Variants in IQSEC1 observed in about 807,000 individuals in gnomAD.
IQSEC1 encodes the protein IQ motif and SEC7 domain-containing protein 1.
IQSEC1 carries 31 observed loss-of-function variants against 91.0 expected under a neutral mutation model. The observed-to-expected ratio is 0.34, with a 90% confidence interval of 0.26 to 0.46. The LOEUF is 0.46. Ranked by LOEUF, IQSEC1 falls within the 20% of genes least tolerant of loss-of-function variation. The pLI, the probability that IQSEC1 is intolerant of heterozygous loss-of-function variation, is 1.00. For synonymous variants in IQSEC1, 699 were observed against 662.6 expected (o/e 1.05, Z -0.84); for missense variants, 1,388 against 1,575.6 (o/e 0.88, Z 2.02).
rs149933955 is a variant in IQSEC1, at chr3:13,120,787, C to T, written c.302+43317G>A. On this transcript the variant is annotated intron_variant, in intron 2 of 15. Coordinates refer to the IQSEC1 transcript ENST00000648114. ...AGAGGCACAGCCTAGGCATCCTTCA[C>T]CATGACAGAGAGGGGCAGGGGACAG... is the stretch of plus-strand genomic sequence containing the variant. Among the ~76,000 whole-genome samples the T allele has an allele frequency of 8.5e-3, 1,291 of 152,290 alleles. 6 individuals carry two copies. The highest frequency in any genetic ancestry group is 0.014 in the Non-Finnish European group (966 of 68,022).
chr3:13,036,464 T>A lies in IQSEC1; in HGVS notation c.23+36528A>T, dbSNP rs112573142. ...AATAATAAACAAAAATAATTTTTTT[T>A]AAAAAGAAAATTATGAAAGGAGCCA... On this transcript the variant is annotated intron_variant, in intron 1 of 13. Coordinates refer to ENST00000613206, the MANE Select transcript of IQSEC1 (RefSeq NM_001134382.3). Among the ~76,000 whole-genome samples, 148 of 152,244 alleles carry A rather than the reference T, an allele frequency of 9.7e-4. 2 individuals are homozygous for A. Among genetic ancestry groups the A allele is most frequent in the South Asian group, 9.1e-3 (44 of 4,814 alleles).
In IQSEC1 at chr3:12,962,444, C is replaced by G. The variant is rs552190925; in HGVS notation, c.24-20579G>C. Among the ~76,000 whole-genome samples, 3 of 152,326 alleles carry G rather than the reference C, an allele frequency of 2.0e-5. No homozygotes were observed. In the East Asian group the frequency reaches 5.8e-4, roughly 29 times the overall value. On this transcript the variant is annotated intron_variant, in intron 1 of 13. Coordinates refer to ENST00000613206, the MANE Select transcript of IQSEC1 (RefSeq NM_001134382.3). Reference sequence around the variant, plus strand: ...TGGGCAGCAGGGGATTTTGGGAGAACCCTTCCAGTTTGTGTGAATGAGGAG... The same window carrying G: ...TGGGCAGCAGGGGATTTTGGGAGAAGCCTTCCAGTTTGTGTGAATGAGGAG...
intron 2 of IQSEC1, among the ~76,000 whole-genome samples, chr3:12,937,056 C>T (rs575702300): frequency 3.3e-5 from 5 of 152,244 alleles, no homozygotes; most frequent in African/African-American, 4.8e-5. Context: ...CCTCAACCTC[C>T]CGAGTAGCTG....
chr3:12,910,507 G>C (rs1045027074), intron 10 of IQSEC1, among the ~76,000 whole-genome samples: 2 of 152,248 alleles, frequency 1.3e-5, no homozygotes, highest in African/African-American at 4.8e-5. Flanking sequence ...AGGACAATGT[G>C]GGGATGGCAC....
intron 2 of IQSEC1, among the ~76,000 whole-genome samples, chr3:13,139,887 C>G (rs35361049): frequency 0.19 from 28,480 of 152,136 alleles, 3,450 homozygotes; most frequent in Non-Finnish European, 0.26. Context: ...GAGAACCCTG[C>G]CATTATCCTC....
chr3:13,146,748 G>A lies in IQSEC1; in HGVS notation c.302+17356C>T, dbSNP rs140575221. Among the ~76,000 whole-genome samples, 745 of 152,322 alleles carry A rather than the reference G, an allele frequency of 4.9e-3. 9 individuals carry two copies. Among genetic ancestry groups the A allele is most frequent in the African/African-American group, 0.017 (708 of 41,570 alleles). On this transcript the variant is annotated intron_variant, in intron 2 of 15. Transcript: ENST00000648114. Reference sequence around the variant, plus strand: ...TCAGCTACTCGAGAGGCTGAGGCACGAGAATCACTTGAACACAGGAGGTTG... The same window carrying A: ...TCAGCTACTCGAGAGGCTGAGGCACAAGAATCACTTGAACACAGGAGGTTG...
At chr3:13,005,341 G>T (rs569923359) in intron 1 of IQSEC1, among the ~76,000 whole-genome samples, 1 of 152,284 alleles carries the variant, frequency 6.6e-6, no homozygotes, top group Non-Finnish European at 1.5e-5. Context: ...AGGGCTCCCT[G>T]CTCTGCAGGG....
chr3:13,031,928 C>T (rs1299848427), intron 1 of IQSEC1, among the ~76,000 whole-genome samples: 1 of 152,128 alleles, frequency 6.6e-6, no homozygotes. Flanking sequence ...CCTCAGCAAC[C>T]TCTGGCTCTG....
intron 1 of IQSEC1, among the ~76,000 whole-genome samples, chr3:13,244,239 C>G (rs115133178): frequency 0.015 from 2,349 of 152,280 alleles, 55 homozygotes; most frequent in African/African-American, 0.053. Context: ...GTCCCCCAGG[C>G]TGAAGTGCAG....
intron 1 of IQSEC1, among the ~76,000 whole-genome samples, chr3:13,039,810 C>T (rs1257574849): frequency 1.3e-5 from 2 of 152,230 alleles, no homozygotes; most frequent in African/African-American, 4.8e-5. Context: ...TGACTGCCCC[C>T]AGCCCTCAGC....
intron 1 of IQSEC1, among the ~76,000 whole-genome samples, chr3:13,021,600 G>A (rs939493154): frequency 2.0e-5 from 3 of 152,178 alleles, no homozygotes; most frequent in Non-Finnish European, 2.9e-5. Context: ...GTCTGAGTCC[G>A]GGCTGAGCCC....
intron 1 of IQSEC1, among the ~76,000 whole-genome samples, chr3:13,067,057 G>A (rs927294674): frequency 2.0e-5 from 3 of 152,252 alleles, no homozygotes; most frequent in Non-Finnish European, 4.4e-5. Flanking sequence ...GAGAGGGCAA[G>A]CAGCCTGCCC....
chr3:13,043,869 C>G (rs1463642443), intron 1 of IQSEC1, among the ~76,000 whole-genome samples: 4 of 152,208 alleles, frequency 2.6e-5, no homozygotes, highest in Non-Finnish European at 4.4e-5. Context: ...ACACTCCATT[C>G]AGACGAGGAG....
At chr3:13,054,345 T>C (rs1704800664) in intron 1 of IQSEC1, among the ~76,000 whole-genome samples, 2 of 152,180 alleles carry the variant, frequency 1.3e-5, no homozygotes, top group Admixed American at 1.3e-4. Context: ...TGTTGGACCA[T>C]TCTTAGGGCT....
At chr3:13,218,871 C>T (rs969876594) in intron 1 of IQSEC1, among the ~76,000 whole-genome samples, 6 of 152,128 alleles carry the variant, frequency 3.9e-5, no homozygotes, top group African/African-American at 1.2e-4. Context: ...CAGCCCCGGC[C>T]GCCACCTCTA....
intron 1 of IQSEC1, among the ~76,000 whole-genome samples, chr3:13,226,143 T>A (rs1327218546): frequency 6.6e-6 from 1 of 152,214 alleles, no homozygotes; most frequent in Non-Finnish European, 1.5e-5. Context: ...CCTCCCAAAG[T>A]GCTGGGATTA....
intron 2 of IQSEC1, among the ~76,000 whole-genome samples, chr3:13,160,031 G>A (rs1182876981): frequency 6.6e-6 from 1 of 152,108 alleles, no homozygotes; most frequent in Non-Finnish European, 1.5e-5. Flanking sequence ...GGAACAATGA[G>A]CAAAGTCCTA....
rs1023206780 is a variant in IQSEC1 at position 13,162,070 on chromosome 3, G to T, written c.302+2034C>A. Among the ~76,000 whole-genome samples, 15 of 152,310 alleles carry T rather than the reference G, an allele frequency of 9.8e-5. No homozygotes were observed. In the South Asian group the frequency reaches 1.2e-3, roughly 13 times the overall value. On this transcript the variant is annotated intron_variant, in intron 2 of 15. Transcript: ENST00000648114. ...ATCCGCTGGAGTGAACACCAGGCCG[G>T]GTGGGGCTGGGGCAGACCAGATCCC... is the stretch of plus-strand genomic sequence containing the variant.
At chr3:13,113,444 G>T (rs1010714622) in intron 2 of IQSEC1, among the ~76,000 whole-genome samples, 5 of 152,186 alleles carry the variant, frequency 3.3e-5, no homozygotes, top group African/African-American at 9.7e-5. Flanking sequence ...GCCCACCCAG[G>T]GTGCTGTGTG....
Sources: gnomAD v4.1 joint callset for allele counts (sites outside exome capture counted in the v4.1 genomes callset) on GRCh38, gnomAD v4.1.1 for gene constraint, MANE v1.5 for transcripts, NCBI Gene and HGNC (gene_info 2026-07-23, HGNC 2026-07-21) for gene names.